Variants in FARP1 observed in about 807,000 individuals in gnomAD.
The protein encoded by FARP1 is FERM, ARH/RhoGEF and pleckstrin domain protein 1, also known as FERM, ARHGEF and pleckstrin domain-containing protein 1.
FARP1 carries 52 observed loss-of-function variants against 128.8 expected under a neutral mutation model. That is an observed-to-expected ratio of 0.40 (90% CI 0.32 to 0.51). The LOEUF (loss-of-function observed/expected upper bound fraction) is 0.51. Among genes scored for constraint, FARP1 ranks in the 20% least tolerant of loss-of-function variants. FARP1 has a pLI of 0.45. For synonymous variants in FARP1, 580 were observed against 551.8 expected (o/e 1.05, Z -0.72); for missense variants, 1,333 against 1,367.9 (o/e 0.97, Z 0.40).
intron 2 of FARP1, among the ~76,000 whole-genome samples, chr13:98,246,888 C>T (rs1037023674): frequency 9.2e-5 from 14 of 152,162 alleles, no homozygotes; most frequent in Admixed American, 8.5e-4. Flanking sequence ...TGCATACAAC[C>T]GTCTACACAG....
At chr13:98,227,182 T>G (rs536201628) in intron 2 of FARP1, among the ~76,000 whole-genome samples, 1 of 152,252 alleles carries the variant, frequency 6.6e-6, no homozygotes, top group Admixed American at 6.5e-5. Context: ...GACCTCATGA[T>G]CCGCCCGCCT....
At chr13:98,437,808 G>A in intron 19 of FARP1, 3 of 1,596,768 alleles carry the variant, frequency 1.9e-6, no homozygotes, top group Non-Finnish European at 2.5e-6. Context: ...CTTAGGACAA[G>A]CCAGGCGCAT....
At chr13:98,155,042 T>G (rs1876400340) in intron 1 of FARP1, among the ~76,000 whole-genome samples, 1 of 152,176 alleles carries the variant, frequency 6.6e-6, no homozygotes, top group African/African-American at 2.4e-5. Flanking sequence ...ACCCCATCTC[T>G]ATTTTTTGAA....
Position 98,177,062 on chromosome 13 carries a change from G to A in FARP1, c.-24+33570G>A, listed in dbSNP as rs375026425. 14 of 1,595,806 alleles carry A rather than the reference G, an allele frequency of 8.8e-6. No homozygotes were observed. The African/African-American group carries it at 1.9e-4, about 21-fold the overall frequency. ...CGGGGCCTCGGTGCCACCCGCGGGG[G>A]CTGAGCCACTGTGTCGCCCTCGTCC... On this transcript the variant is annotated intron_variant, in intron 1 of 26. Coordinates refer to ENST00000319562, the MANE Select transcript of FARP1 (RefSeq NM_005766.4).
intron 2 of FARP1, among the ~76,000 whole-genome samples, chr13:98,308,040 T>C (rs1886260477): frequency 3.1e-4 from 1 of 3,212 alleles, no homozygotes; most frequent in Admixed American, 5.1e-3. Flanking sequence ...TCTCTTTTTT[T>C]TTTTTTTTTT....
intron 2 of FARP1, among the ~76,000 whole-genome samples, chr13:98,310,259 G>A (rs1886400838): frequency 6.6e-6 from 1 of 152,046 alleles, no homozygotes; most frequent in Non-Finnish European, 1.5e-5. Context: ...TCGCCTCTGT[G>A]CCTCCCCAGG....
intron 1 of FARP1, among the ~76,000 whole-genome samples, chr13:98,193,194 A>T (rs1879353159): frequency 6.6e-6 from 1 of 152,042 alleles, no homozygotes; most frequent in South Asian, 2.1e-4. Context: ...AGTAGCTGAG[A>T]CTACAGGCTT....
At chr13:98,172,578 C>T (rs1251230712) in intron 1 of FARP1, among the ~76,000 whole-genome samples, 1 of 152,118 alleles carries the variant, frequency 6.6e-6, no homozygotes, top group Admixed American at 6.5e-5. Flanking sequence ...TACCTGTTAG[C>T]CCTTAACCTG....
chr13:98,247,218 G>A (rs966364448), intron 2 of FARP1, among the ~76,000 whole-genome samples: 3 of 152,272 alleles, frequency 2.0e-5, no homozygotes, highest in African/African-American at 7.2e-5. Flanking sequence ...CTCCAGACTG[G>A]GTGGCGGTGA....
chr13:98,386,201 T>C (rs1181040855), intron 8 of FARP1, among the ~76,000 whole-genome samples: 1 of 151,518 alleles, frequency 6.6e-6, no homozygotes, highest in Non-Finnish European at 1.5e-5. Flanking sequence ...TTTTTTTTTT[T>C]TTTTTTTCAA....
chr13:98,365,119 T>C (rs906446074), intron 3 of FARP1, among the ~76,000 whole-genome samples: 2 of 152,178 alleles, frequency 1.3e-5, no homozygotes, highest in Non-Finnish European at 2.9e-5. Context: ...ATATGATAAA[T>C]GTATAAATGA....
At chr13:98,351,441 T>C (rs1888418285) in intron 3 of FARP1, among the ~76,000 whole-genome samples, 1 of 151,910 alleles carries the variant, frequency 6.6e-6, no homozygotes, top group African/African-American at 2.4e-5. Flanking sequence ...TGAAACCCCG[T>C]CTCTACTAAA....
At chr13:98,232,150 T>TTTTTTG (rs1555329644) in intron 2 of FARP1, among the ~76,000 whole-genome samples, 3 of 146,576 alleles carry the variant, frequency 2.0e-5, no homozygotes, top group Admixed American at 6.8e-5. Context: ...GGTTGGTTTT[T>TTTTTTG]TTTTTTTTTT....
chr13:98,453,005 C>T lies in FARP1; in HGVS notation c.*4688C>T. 1 of 608,866 alleles carries T rather than the reference C, an allele frequency of 1.6e-6. No homozygotes were observed. The highest frequency in any genetic ancestry group is 2.8e-6 in the Non-Finnish European group (1 of 356,754). The allele number at this position is 608,866 out of a possible 1,614,324, so 37.7% of individuals were successfully genotyped here. A position where few individuals can be genotyped will look rare whatever the true frequency, so the allele number is the denominator to read the frequency against. ...CCATCTGAGAGACTTCATCTGGCTG[C>T]AGCACAGTGAAGACTGTGTGTGTCC... On this transcript the variant is annotated 3_prime_UTR_variant, in exon 27 of 27. Coordinates refer to ENST00000319562, the MANE Select transcript of FARP1 (RefSeq NM_005766.4).
intron 2 of FARP1, among the ~76,000 whole-genome samples, chr13:98,342,115 T>C (rs1450709640): frequency 2.0e-5 from 3 of 152,168 alleles, no homozygotes; most frequent in Non-Finnish European, 4.4e-5. Context: ...TTCCCTTCAA[T>C]GTGGGTATAG....
At position 98,377,773 on chromosome 13, in the gene FARP1, G is replaced by T. The variant is rs373630477; in HGVS notation, c.399-48G>T. The T allele has an allele frequency of 3.5e-5, 50 of 1,421,150 alleles. 1 individual carries two copies. In the African/African-American group the frequency reaches 6.1e-4, roughly 17 times the overall value. The allele number at this position is 1,421,150 out of a possible 1,614,324, so 88.0% of individuals were successfully genotyped here. A position where few individuals can be genotyped will look rare whatever the true frequency, so the allele number is the denominator to read the frequency against. ...CTCATGGTGAGGCCAGGTTCCCGGT[G>T]ACCTCCTGCCCTCTTTGCCTGACGC... On this transcript the variant is annotated intron_variant, in intron 5 of 26. Coordinates refer to ENST00000319562, the MANE Select transcript of FARP1 (RefSeq NM_005766.4).
intron 2 of FARP1, among the ~76,000 whole-genome samples, chr13:98,284,824 G>A (rs563990773): frequency 1.3e-4 from 20 of 152,240 alleles, no homozygotes; most frequent in South Asian, 1.2e-3. Flanking sequence ...CTCTGGAATC[G>A]TTCTTCCTGT....
intron 17 of FARP1, among the ~76,000 whole-genome samples, chr13:98,427,382 C>T (rs1297500449): frequency 6.6e-6 from 1 of 152,232 alleles, no homozygotes; most frequent in Non-Finnish European, 1.5e-5. Flanking sequence ...CCTCGTTTCA[C>T]ATGCTCTGTA....
intron 1 of FARP1, among the ~76,000 whole-genome samples, chr13:98,208,288 A>G (rs1287015410): frequency 1.3e-5 from 2 of 149,904 alleles, no homozygotes; most frequent in African/African-American, 5.0e-5. Context: ...CCTAGCCAAC[A>G]TGGTGAAACC....
Sources: allele counts gnomAD v4.1 joint callset (sites outside exome capture counted in the v4.1 genomes callset), GRCh38; gene constraint gnomAD v4.1.1; transcripts MANE v1.5; gene names NCBI Gene and HGNC (gene_info 2026-07-23, HGNC 2026-07-21).